Variants in TNKS observed in about 807,000 individuals in gnomAD.
TNKS encodes the protein tankyrase, also known as poly [ADP-ribose] polymerase tankyrase-1.
Under a neutral mutation model 135.8 loss-of-function variants are expected in TNKS, and 72 were observed. That is an observed-to-expected ratio of 0.53 (90% CI 0.44 to 0.64). The LOEUF (loss-of-function observed/expected upper bound fraction) is 0.64, where lower values mean the gene tolerates loss of function less well. Ranked by LOEUF, TNKS falls within the 30% of genes least tolerant of loss-of-function variation. The pLI is 0.00. For missense variants in TNKS, 1,769 were observed against 1,674.0 expected (o/e 1.06, Z -0.99); for synonymous variants, 849 against 649.3 (o/e 1.31, Z -4.68).
At chr8:9,606,715 G>C (rs1436639130) in intron 2 of TNKS, among the ~76,000 whole-genome samples, 1 of 150,722 alleles carries the variant, frequency 6.6e-6, no homozygotes, top group Non-Finnish European at 1.5e-5. Flanking sequence ...TTCTTGACCA[G>C]ATCACATTTT....
At chr8:9,629,977 C>T (rs893917910) in intron 3 of TNKS, among the ~76,000 whole-genome samples, 2 of 152,262 alleles carry the variant, frequency 1.3e-5, no homozygotes, top group South Asian at 2.1e-4. Context: ...CCACCGTGTC[C>T]GGCCAACTAC....
intron 17 of TNKS, among the ~76,000 whole-genome samples, chr8:9,736,164 T>C (rs1282087970): frequency 6.6e-6 from 1 of 151,110 alleles, no homozygotes; most frequent in Non-Finnish European, 1.5e-5. Flanking sequence ...CTAGAAAAGC[T>C]GTGCAGCTGT....
chr8:9,771,382 A>AGAGAGAGGAAGGGAGGGAGGGAG (rs1563225286), intron 26 of TNKS, among the ~76,000 whole-genome samples: 2 of 71,410 alleles, frequency 2.8e-5, no homozygotes, highest in African/African-American at 9.2e-5. Context: ...GAGGGAGGGA[A>AGAGAGAGGAAGGGAGGGAGGGAG]AGAGAGAAAG....
At chr8:9,690,421 T>C (rs2128801343) in intron 5 of TNKS, among the ~76,000 whole-genome samples, 1 of 152,354 alleles carries the variant, frequency 6.6e-6, no homozygotes, top group African/African-American at 2.4e-5. Flanking sequence ...CTCTTCTTAA[T>C]ACATACATTT....
chr8:9,580,221 G>A lies in TNKS; in HGVS notation c.736G>A (p.Asp246Asn). Reference sequence around the variant, plus strand: ...GATGGGTGCTAATGTCCACGCTCGTGATGATGGAGGTCTCATCCCGCTTCA... The same window carrying A: ...GATGGGTGCTAATGTCCACGCTCGTAATGATGGAGGTCTCATCCCGCTTCA... ...LQMGANVHAR[D>N]DGGLIPLHNA... Residue 246 changes from aspartate (D) to asparagine (N), a missense_variant, in exon 2 of 27, where the codon GAT (aspartate) becomes AAT (asparagine). Asp to Asn is a conservative substitution (Grantham distance 23). Coordinates refer to ENST00000310430, the MANE Select transcript of TNKS (RefSeq NM_003747.3). 6.2e-7 allele frequency: 1 copy of A among 1,614,178 alleles called. No individual in the cohort carries two copies. Among genetic ancestry groups the A allele is most frequent in the Non-Finnish European group, 8.5e-7 (1 of 1,180,028 alleles).
At chr8:9,693,849 A>T (rs900052124) in intron 5 of TNKS, among the ~76,000 whole-genome samples, 1 of 152,198 alleles carries the variant, frequency 6.6e-6, no homozygotes, top group African/African-American at 2.4e-5. Flanking sequence ...TTCTGGACAG[A>T]TCCAGAAACA....
At chr8:9,685,881 G>A (rs1287421271) in intron 5 of TNKS, among the ~76,000 whole-genome samples, 2 of 152,120 alleles carry the variant, frequency 1.3e-5, no homozygotes, top group Non-Finnish European at 2.9e-5. Flanking sequence ...GTAATTCTTT[G>A]TATCTACATT....
chr8:9,682,788 T>C (rs2128798232), intron 5 of TNKS, among the ~76,000 whole-genome samples: 1 of 146,392 alleles, frequency 6.8e-6, no homozygotes, highest in East Asian at 2.0e-4. Context: ...TGCGATATTT[T>C]ATGTTTTTTG....
chr8:9,589,844 CTT>C (rs1232977266), intron 2 of TNKS, among the ~76,000 whole-genome samples: 1 of 152,212 alleles, frequency 6.6e-6, no homozygotes, highest in Non-Finnish European at 1.5e-5. Flanking sequence ...TCTTAATACT[CTT>C]TGTGAAAGAA....
intron 2 of TNKS, among the ~76,000 whole-genome samples, chr8:9,610,826 G>A (rs1006614348): frequency 1.2e-4 from 19 of 152,094 alleles, no homozygotes; most frequent in African/African-American, 4.1e-4. Flanking sequence ...AGTTAATAAT[G>A]CCTGCAGTTA....
intron 3 of TNKS, among the ~76,000 whole-genome samples, chr8:9,658,985 A>T (rs1801563427): frequency 6.6e-6 from 1 of 152,240 alleles, no homozygotes; most frequent in Non-Finnish European, 1.5e-5. Context: ...AAAGAGACAA[A>T]GAAGGCCCTT....
At chr8:9,609,432 G>A (rs1799363780) in intron 2 of TNKS, among the ~76,000 whole-genome samples, 1 of 152,184 alleles carries the variant, frequency 6.6e-6, no homozygotes, top group Admixed American at 6.5e-5. Context: ...TCCTCATCCT[G>A]AGGTATCACC....
chr8:9,762,272 GGA>G (rs1429037793), intron 21 of TNKS, among the ~76,000 whole-genome samples: 1 of 152,168 alleles, frequency 6.6e-6, no homozygotes, highest in Non-Finnish European at 1.5e-5. Context: ...AAGCAAGGAA[GGA>G]GAATCTACAG....
intron 2 of TNKS, among the ~76,000 whole-genome samples, chr8:9,607,239 A>T (rs567686187): frequency 6.6e-6 from 1 of 152,324 alleles, no homozygotes; most frequent in East Asian, 1.9e-4. Context: ...CTAAGAGTGG[A>T]ATCATTTTAC....
At chr8:9,601,968 G>A (rs1396148931) in intron 2 of TNKS, among the ~76,000 whole-genome samples, 1 of 152,080 alleles carries the variant, frequency 6.6e-6, no homozygotes, top group Non-Finnish European at 1.5e-5. Context: ...TGAGGAGGTG[G>A]GGACGGGTCC....
chr8:9,623,729 C>T (rs1441632441), intron 3 of TNKS, among the ~76,000 whole-genome samples: 2 of 152,094 alleles, frequency 1.3e-5, no homozygotes, highest in African/African-American at 4.8e-5. Context: ...GGGCTGGGTG[C>T]TGTGGCTCAT....
intron 1 of TNKS, among the ~76,000 whole-genome samples, chr8:9,573,355 A>T (rs1003643890): frequency 6.6e-6 from 1 of 152,198 alleles, no homozygotes; most frequent in African/African-American, 2.4e-5. Flanking sequence ...AGACAAAAGT[A>T]AGGTATAGAA....
At chr8:9,593,910 G>A (rs1004621417) in intron 2 of TNKS, among the ~76,000 whole-genome samples, 10 of 151,352 alleles carry the variant, frequency 6.6e-5, no homozygotes, top group Non-Finnish European at 8.8e-5. Flanking sequence ...TTTTTGAGAC[G>A]GAGTCTCACT....
chr8:9,651,300 A>G (rs796883326), intron 3 of TNKS, among the ~76,000 whole-genome samples: 8 of 152,312 alleles, frequency 5.3e-5, no homozygotes, highest in African/African-American at 1.9e-4. Context: ...ATGTTTATGT[A>G]TTCAACCAGC....
Sources: gnomAD v4.1 joint callset for allele counts (sites outside exome capture counted in the v4.1 genomes callset) on GRCh38, gnomAD v4.1.1 for gene constraint, MANE v1.5 for transcripts, NCBI Gene and HGNC (gene_info 2026-07-23, HGNC 2026-07-21) for gene names.